DOCK2: variants seen among roughly 807,000 people sequenced by gnomAD.
DOCK2 encodes the protein dedicator of cytokinesis protein 2.
DOCK2 carries 87 observed loss-of-function variants against 248.9 expected under a neutral mutation model. That is an observed-to-expected ratio of 0.35 (90% CI 0.29 to 0.42). The LOEUF (loss-of-function observed/expected upper bound fraction) is 0.42. Ranked by LOEUF, DOCK2 falls within the 10% of genes least tolerant of loss-of-function variation. The probability of loss-of-function intolerance (pLI) is 1.00; values close to 1 mark genes in which losing one functional copy is unlikely to be tolerated. For synonymous variants in DOCK2, 805 were observed against 821.6 expected, an observed-to-expected ratio of 0.98 and a Z score of 0.35; for missense variants, 1,747 against 2,300.2, an observed-to-expected ratio of 0.76 and a Z score of 4.92.
intron 27 of DOCK2, among the ~76,000 whole-genome samples, chr5:169,877,152 A>C (rs1156650205): frequency 6.6e-6 from 1 of 152,214 alleles, no homozygotes; most frequent in African/African-American, 2.4e-5. Flanking sequence ...AAAGCAAAGG[A>C]ACTTATGTAA....
At position 169,673,514 on chromosome 5, in the gene DOCK2, C is replaced by T. The variant is rs536563857; in HGVS notation, c.322-783C>T. 6.6e-5 allele frequency among the ~76,000 whole-genome samples: 10 copies of T among 152,016 alleles called. No individual in the cohort carries two copies. In the South Asian group the frequency reaches 1.7e-3, roughly 25 times the overall value. ...TCTAAATACAATGAAAACAAGATAACATTATTTTTATAAAAAAAAATTTAG... is the reference window on the plus strand; with the variant it reads ...TCTAAATACAATGAAAACAAGATAATATTATTTTTATAAAAAAAAATTTAG... On this transcript the variant is annotated intron_variant, in intron 5 of 51. Transcript: ENST00000520908.
intron 26 of DOCK2, among the ~76,000 whole-genome samples, chr5:169,817,793 C>T (rs922092182): frequency 6.6e-6 from 1 of 152,170 alleles, no homozygotes; most frequent in African/African-American, 2.4e-5. Flanking sequence ...ACGTTTCTCC[C>T]GTATTTCCAC....
rs750441223 is a variant in DOCK2 at position 169,637,339 on chromosome 5, C to A, written c.13C>A (p.Arg5Ser). MAPWRKADKERHGVA... is the reference protein window; with the variant it reads MAPWSKADKERHGVA... ...CCCCGGCCCAGCCATGGCCCCCTGG[C>A]GCAAAGCTGACAAGGAGCGGCACGG... Residue 5 changes from arginine (R) to serine (S), a missense_variant, in exon 1 of 52, where the codon CGC (arginine) becomes AGC (serine). Around this residue, in one of 4 missense-constraint regions of DOCK2, gnomAD observed 375 missense variants for 510.9 expected, o/e 0.73. Transcript: ENST00000520908. The A allele has an allele frequency of 1.4e-6, 2 of 1,428,698 alleles. No homozygotes were observed. The highest frequency in any genetic ancestry group is 3.0e-5 in the East Asian group (1 of 33,036). The allele number at this position is 1,428,698 out of a possible 1,614,324, so 88.5% of individuals were successfully genotyped here.
chr5:169,787,633 C>T (rs1766066535), intron 25 of DOCK2, among the ~76,000 whole-genome samples: 1 of 151,660 alleles, frequency 6.6e-6, no homozygotes, highest in African/African-American at 2.4e-5. Flanking sequence ...CTTGTCCCAG[C>T]TTCCCATACT....
chr5:169,758,100 T>TA (rs1415254793), intron 23 of DOCK2, among the ~76,000 whole-genome samples: 1 of 152,130 alleles, frequency 6.6e-6, no homozygotes, highest in Non-Finnish European at 1.5e-5. Context: ...AAATTGACAA[T>TA]AGCATGGAGC....
intron 32 of DOCK2, among the ~76,000 whole-genome samples, chr5:170,015,911 C>T (rs1755523677): frequency 6.7e-6 from 1 of 150,140 alleles, no homozygotes; most frequent in African/African-American, 2.5e-5. Context: ...TCCTTCTTTC[C>T]TTCCTTTCAC....
chr5:169,833,148 G>A (rs991845118), intron 26 of DOCK2, among the ~76,000 whole-genome samples: 7 of 152,070 alleles, frequency 4.6e-5, no homozygotes, highest in African/African-American at 1.5e-4. Context: ...TCTGTAAAAT[G>A]GATTGCACTG....
intron 38 of DOCK2, among the ~76,000 whole-genome samples, 184 bp downstream of exon 38, chr5:170,042,316 G>C (rs1756546413): frequency 6.6e-6 from 1 of 152,052 alleles, no homozygotes; most frequent in Non-Finnish European, 1.5e-5. Flanking sequence ...CACCGACATT[G>C]CTCACCTGGA....
intron 1 of DOCK2, 139 bp downstream of exon 1, chr5:169,637,508 G>A: frequency 9.7e-7 from 1 of 1,034,678 alleles, no homozygotes; most frequent in Non-Finnish European, 1.3e-6. Flanking sequence ...CTGCGGCGGG[G>A]CCTCGGGGCG....
chr5:169,777,770 T>TG (rs1451522608), intron 25 of DOCK2, among the ~76,000 whole-genome samples: 6 of 152,216 alleles, frequency 3.9e-5, no homozygotes, highest in Non-Finnish European at 8.8e-5. Flanking sequence ...TAGAGAGGCC[T>TG]GGTCCTTAGT....
intron 27 of DOCK2, chr5:169,864,196 C>A (rs1771388437): frequency 4.7e-6 from 6 of 1,283,294 alleles, no homozygotes; most frequent in South Asian, 1.3e-5. Flanking sequence ...AGAAGCAGGG[C>A]AGGCCTTAAG....
chr5:169,802,203 C>G (rs767846591), intron 25 of DOCK2, among the ~76,000 whole-genome samples: 5 of 152,080 alleles, frequency 3.3e-5, no homozygotes, highest in Non-Finnish European at 7.4e-5. Flanking sequence ...ACTCTGTTAC[C>G]CAGGCTGGAG....
rs576102746 is a variant in DOCK2 at position 169,716,359 on chromosome 5, T to G, written c.2031+57T>G. 42 of 1,554,030 alleles carry G rather than the reference T, an allele frequency of 2.7e-5. No homozygotes were observed. In the South Asian group the frequency reaches 4.5e-4, roughly 17 times the overall value. On this transcript the variant is annotated intron_variant, in intron 20 of 51. Coordinates refer to ENST00000520908, the MANE Select transcript of DOCK2 (RefSeq NM_004946.3). ...ACAGGCATTAATGTATGTCTTACTGTGAAAATACTGAGAACTCATGGCCCT... is the reference window on the plus strand; with the variant it reads ...ACAGGCATTAATGTATGTCTTACTGGGAAAATACTGAGAACTCATGGCCCT...
At chr5:169,818,425 A>G (rs1051693093) in intron 26 of DOCK2, among the ~76,000 whole-genome samples, 1 of 152,182 alleles carries the variant, frequency 6.6e-6, no homozygotes, top group Admixed American at 6.5e-5. Context: ...GACTTTGGAG[A>G]CACATAGGCA....
rs1758987834 is a variant in DOCK2, at chr5:169,670,474, G to A, written c.169-68G>A. ...TTGGAAAAAAATTATAAAGACGTAG[G>A]GTCATTCATTTCTGTGGTGATATAT... On this transcript the variant is annotated intron_variant, in intron 3 of 51. Transcript: ENST00000520908. The A allele has an allele frequency of 3.2e-6, 5 of 1,564,652 alleles. No individual in the cohort carries two copies. In the South Asian group the frequency reaches 5.9e-5, roughly 18 times the overall value.
At chr5:169,801,119 C>T (rs528004542) in intron 25 of DOCK2, among the ~76,000 whole-genome samples, 1 of 140,902 alleles carries the variant, frequency 7.1e-6, no homozygotes, top group Non-Finnish European at 1.5e-5. Context: ...ATTACAGGTG[C>T]CTGCCACCAT....
chr5:169,969,331 G>C (rs1233998579), intron 27 of DOCK2, among the ~76,000 whole-genome samples: 1 of 152,088 alleles, frequency 6.6e-6, no homozygotes, highest in African/African-American at 2.4e-5. Flanking sequence ...TGTAATCCCA[G>C]CTACTCGGGA....
chr5:170,001,645 G>A (rs1226868083), intron 30 of DOCK2, among the ~76,000 whole-genome samples: 1 of 152,166 alleles, frequency 6.6e-6, no homozygotes, highest in Non-Finnish European at 1.5e-5. Flanking sequence ...TGCATGCAGT[G>A]TGCTTGGTTC....
chr5:170,065,380 A>G (rs1281186258), intron 44 of DOCK2, among the ~76,000 whole-genome samples: 1 of 152,224 alleles, frequency 6.6e-6, no homozygotes, highest in African/African-American at 2.4e-5. Context: ...AATGAACAGA[A>G]TGGCATTAGT....
Sources: allele counts gnomAD v4.1 joint callset (sites outside exome capture counted in the v4.1 genomes callset), GRCh38; gene constraint gnomAD v4.1.1; regional missense constraint gnomAD v4.1.1; transcripts MANE v1.5; gene names NCBI Gene and HGNC (gene_info 2026-07-23, HGNC 2026-07-21).